Variants in UPF2 observed in about 807,000 individuals in gnomAD.
UPF2 encodes UPF2 regulator of nonsense mediated mRNA decay.
Under a neutral mutation model 141.4 loss-of-function variants are expected in UPF2, and 17 were observed. The ratio of observed to expected loss-of-function variants is 0.12; its 90% CI spans 0.08 to 0.18. The LOEUF (loss-of-function observed/expected upper bound fraction) is 0.18. UPF2 is among the 10% of genes least tolerant of loss of function. UPF2 has a pLI of 1.00. For missense variants in UPF2, 1,152 were observed against 1,515.9 expected (o/e 0.76, Z 3.99); for synonymous variants, 540 against 498.0 (o/e 1.08, Z -1.12).
In UPF2 at chr10:12,002,520, G is replaced by C. The variant is rs533720369; in HGVS notation, c.1505-695C>G. Among the ~76,000 whole-genome samples, 167 of 151,970 alleles carry C rather than the reference G, an allele frequency of 1.1e-3. 1 individual carries two copies. The highest frequency in any genetic ancestry group is 3.9e-3 in the African/African-American group (160 of 41,432). ...GTTGAGACTTTCTCCTTTATGCAAG[G>C]GATAATATTTAAAAGGGATCTGATG... On this transcript the variant is annotated intron_variant, in intron 5 of 21. Coordinates refer to ENST00000357604, the MANE Select transcript of UPF2 (RefSeq NM_015542.4).
rs1832845131 is a variant in UPF2 at position 11,936,019 on chromosome 10, G to A, written c.3546+526C>T. Among the ~76,000 whole-genome samples, 1 of 152,150 alleles carries A rather than the reference G, an allele frequency of 6.6e-6. No individual in the cohort carries two copies. The highest frequency in any genetic ancestry group is 6.5e-5 in the Admixed American group (1 of 15,272). On this transcript the variant is annotated intron_variant, in intron 19 of 21. Transcript: ENST00000357604. This position sits in a 1 kb window ranked among gnomAD's most constrained non-coding sequence, Gnocchi z 6.6. ...CCTTCCCCGCCTGGGGCTTGCTTGT[G>A]GAAGTTTGTGCTAGAAGTCAAGGTA...
Position 11,935,682 on chromosome 10 carries a change from T to G in UPF2, c.3546+863A>C, listed in dbSNP as rs1022983587. 6.6e-6 allele frequency among the ~76,000 whole-genome samples: 1 copy of G among 152,200 alleles called. No individual in the cohort carries two copies. Among genetic ancestry groups the G allele is most frequent in the African/African-American group, 2.4e-5 (1 of 41,444 alleles). On this transcript the variant is annotated intron_variant, in intron 19 of 21. Transcript: ENST00000357604. The surrounding 1 kb of genome is among the most constrained non-coding windows in gnomAD (Gnocchi z 4.9). ...TTTCACTATCTGCAAATATGTGCGT[T>G]TGTCTCTCTGCTCTCTCAGTAGGAG...
intron 8 of UPF2, among the ~76,000 whole-genome samples, chr10:11,994,519 C>T (rs937271621): frequency 6.6e-6 from 1 of 152,168 alleles, no homozygotes; most frequent in Non-Finnish European, 1.5e-5. Context: ...AAGAAGGATA[C>T]TTTTCATCAT....
chr10:11,991,594 C>A (rs75538982), intron 8 of UPF2, among the ~76,000 whole-genome samples: 7,956 of 151,832 alleles, frequency 0.052, 285 homozygotes, highest in Non-Finnish European at 0.08. Flanking sequence ...ATTATTTGGG[C>A]AGCCATTTAA....
At chr10:11,981,774 C>G (rs1183609792) in intron 8 of UPF2, among the ~76,000 whole-genome samples, 2 of 152,140 alleles carry the variant, frequency 1.3e-5, no homozygotes, top group Non-Finnish European at 2.9e-5. Flanking sequence ...CAACCTCCGC[C>G]TCCCGGGTTC....
In UPF2 at chr10:12,014,182, C is replaced by A; in HGVS notation, c.1148G>T (p.Arg383Leu). Residue 383 changes from arginine (R) to leucine (L), a missense_variant and splice_region_variant, in exon 4 of 22, where the codon CGC becomes CTC. Arg to Leu is a moderately radical substitution (Grantham distance 102, BLOSUM62 -2). This residue lies in a region of UPF2 where 739 missense variants were observed against 1,032.2 expected (regional missense o/e 0.72). Transcript: ENST00000357604. This position sits in a 1 kb window ranked among gnomAD's most constrained non-coding sequence, Gnocchi z 5.0. Reference protein sequence around the residue: ...ELQNTERQNRRILHSKGELSE... With the variant: ...ELQNTERQNRLILHSKGELSE... ...GAGCTCCCCTTTAGAATGTAGAATG[C>A]GCCTATAAACAAATGAAATCATCTG... The A allele has an allele frequency of 2.8e-6, 4 of 1,410,404 alleles. No individual in the cohort carries two copies. Among genetic ancestry groups the A allele is most frequent in the Non-Finnish European group, 3.7e-6 (4 of 1,067,588 alleles). The allele number at this position is 1,410,404 out of a possible 1,614,324, so 87.4% of individuals were successfully genotyped here.
At chr10:11,981,252 C>T (rs948605571) in intron 8 of UPF2, among the ~76,000 whole-genome samples, 5 of 152,130 alleles carry the variant, frequency 3.3e-5, no homozygotes, top group Non-Finnish European at 1.5e-5. Flanking sequence ...GCCTCAAAAA[C>T]ATGGTACTCC....
chr10:11,940,036 C>G lies in UPF2; in HGVS notation c.3378+2629G>C, dbSNP rs777844632. Among the ~76,000 whole-genome samples the G allele has an allele frequency of 3.9e-5, 6 of 152,144 alleles. No individual in the cohort carries two copies. Among genetic ancestry groups the G allele is most frequent in the Admixed American group, 1.3e-4 (2 of 15,274 alleles). On this transcript the variant is annotated intron_variant, in intron 18 of 21. Transcript: ENST00000357604. This position sits in a 1 kb window ranked among gnomAD's most constrained non-coding sequence, Gnocchi z 4.2. ...GGCTTGATTTATGGAAAAATAATAT[C>G]TCTAGGATACTGCATCCTCCTATGA...
chr10:11,928,904 C>T (rs925801328), intron 21 of UPF2, among the ~76,000 whole-genome samples: 5 of 152,360 alleles, frequency 3.3e-5, no homozygotes, highest in Admixed American at 6.5e-5. Context: ...AATCCCAGCA[C>T]TTTGGGAGGC....
rs555087238 is a variant in UPF2, at chr10:11,967,957, G to A, written c.1954-503C>T. ...AGCACTTCAGGAGGCCGAGGTTGGC[G>A]GATCACGAGGTCAGGAGTTCGAGAC... On this transcript the variant is annotated intron_variant, in intron 9 of 21. Coordinates refer to ENST00000357604, the MANE Select transcript of UPF2 (RefSeq NM_015542.4). Among the ~76,000 whole-genome samples the A allele has an allele frequency of 5.9e-5, 9 of 152,264 alleles. No homozygotes were observed. The South Asian group carries it at 1.0e-3, about 18-fold the overall frequency.
chr10:11,991,567 GATTA>G (rs1444347162), intron 8 of UPF2, among the ~76,000 whole-genome samples: 1 of 151,694 alleles, frequency 6.6e-6, no homozygotes, highest in African/African-American at 2.4e-5. Context: ...GGATTTACTT[GATTA>G]ATTAGAGAAA....
At chr10:12,039,624 T>TC (rs1564376770) in intron 1 of UPF2, among the ~76,000 whole-genome samples, 16 of 138,872 alleles carry the variant, frequency 1.2e-4, no homozygotes, top group Admixed American at 4.3e-4. Flanking sequence ...CTCTCTCTCT[T>TC]TTTTTTTTTT....
chr10:12,003,207 T>C (rs1039964908), intron 5 of UPF2, among the ~76,000 whole-genome samples: 1 of 152,208 alleles, frequency 6.6e-6, no homozygotes, highest in Admixed American at 6.5e-5. Context: ...ACATGGAGCA[T>C]GCAGTCACTC....
At chr10:11,952,622 ATG>A (rs1833091753) in intron 14 of UPF2, among the ~76,000 whole-genome samples, 1 of 151,812 alleles carries the variant, frequency 6.6e-6, no homozygotes, top group Non-Finnish European at 1.5e-5. Flanking sequence ...CTACAGGTGC[ATG>A]CCACCACGCC....
At chr10:11,930,566 C>T (rs1364832891) in intron 20 of UPF2, among the ~76,000 whole-genome samples, 1 of 152,070 alleles carries the variant, frequency 6.6e-6, no homozygotes, top group Non-Finnish European at 1.5e-5. Context: ...TGCTCAAGCT[C>T]AGGAGTTCAA....
At chr10:11,944,268 C>A (rs1832973576) in intron 16 of UPF2, among the ~76,000 whole-genome samples, 1 of 152,110 alleles carries the variant, frequency 6.6e-6, no homozygotes, top group African/African-American at 2.4e-5. Context: ...AGGCTGAGGT[C>A]AGGGGATCAC....
rs549447034 is a variant in UPF2 at position 11,990,920 on chromosome 10, G to A, written c.1844+6752C>T. On this transcript the variant is annotated intron_variant, in intron 8 of 21. Transcript: ENST00000357604. ...GGAGAATGGTGTGAACCCAGGAGGC[G>A]GAGCTTGCAGTGAGCCAAGATCAGG... 6.0e-5 allele frequency among the ~76,000 whole-genome samples: 9 copies of A among 151,086 alleles called. No individual in the cohort carries two copies. The East Asian group carries it at 1.4e-3, about 23-fold the overall frequency.
chr10:11,951,244 G>GT (rs750647208), intron 15 of UPF2, among the ~76,000 whole-genome samples: 36 of 152,114 alleles, frequency 2.4e-4, no homozygotes, highest in Non-Finnish European at 2.4e-4. Context: ...TGTATTTTTA[G>GT]TAGAGATGGG....
chr10:12,038,489 G>T (rs1370470042), intron 1 of UPF2, among the ~76,000 whole-genome samples: 1 of 151,592 alleles, frequency 6.6e-6, no homozygotes, highest in Non-Finnish European at 1.5e-5. Flanking sequence ...AGCACTTTGG[G>T]AAGCCAAGGC....
Sources: allele counts gnomAD v4.1 joint callset (sites outside exome capture counted in the v4.1 genomes callset), GRCh38; gene constraint gnomAD v4.1.1; regional missense constraint gnomAD v4.1.1; non-coding constraint Gnocchi (gnomAD v3.1); transcripts MANE v1.5; gene names NCBI Gene and HGNC (gene_info 2026-07-23, HGNC 2026-07-21).